The following SOX5 variants were observed in gnomAD, a reference collection of about 807,000 sequenced individuals.
SOX5 encodes the protein SRY-box transcription factor 5.
In SOX5, 9 loss-of-function variants were observed where a neutral mutation model predicts 92.0. That is an observed-to-expected ratio of 0.10 (90% CI 0.06 to 0.17). SOX5 has a LOEUF of 0.17. SOX5 is among the 10% of genes least tolerant of loss of function. The probability of loss-of-function intolerance (pLI) is 1.00; values close to 1 mark genes in which losing one functional copy is unlikely to be tolerated. For missense variants in SOX5, 642 were observed against 944.5 expected (o/e 0.68, Z 4.20); for synonymous variants, 344 against 336.3 (o/e 1.02, Z -0.25).
chr12:23,850,375 G>T (rs1191224627), intron 2 of SOX5, among the ~76,000 whole-genome samples: 2 of 150,400 alleles, frequency 1.3e-5, no homozygotes, highest in Non-Finnish European at 2.9e-5. Flanking sequence ...ATTGCAGAGA[G>T]CCAAGATTGC....
At chr12:23,995,838 G>C (rs1950983114) in intron 4 of SOX5, among the ~76,000 whole-genome samples, 1 of 152,088 alleles carries the variant, frequency 6.6e-6, no homozygotes, top group South Asian at 2.1e-4. Context: ...TTTCAGGTCT[G>C]GATACCAAAG....
chr12:23,992,145 G>C (rs1480332976), intron 4 of SOX5, among the ~76,000 whole-genome samples: 1 of 152,044 alleles, frequency 6.6e-6, no homozygotes. Flanking sequence ...AAAATCTACA[G>C]GTCAGTAGCT....
chr12:23,595,465 A>G lies in SOX5; in HGVS notation c.1164+8922T>C, dbSNP rs187556564. ...GTGAAACCCCGTCTCTACTAAAAAT[A>G]CAAAAAAATCAGCTGGGCGTGGTGG... is the stretch of plus-strand genomic sequence containing the variant. On this transcript the variant is annotated intron_variant, in intron 9 of 14. Transcript: ENST00000451604. Among the ~76,000 whole-genome samples the G allele has an allele frequency of 2.0e-5, 3 of 152,106 alleles. No individual in the cohort carries two copies. In the East Asian group the frequency reaches 5.8e-4, roughly 29 times the overall value.
intron 1 of SOX5, among the ~76,000 whole-genome samples, chr12:24,490,956 T>C (rs1462866258): frequency 2.0e-5 from 3 of 152,184 alleles, no homozygotes; most frequent in Non-Finnish European, 4.4e-5. Flanking sequence ...AGAGCTGCCA[T>C]ATTCAAAATA....
chr12:24,397,303 G>T (rs953380128), intron 1 of SOX5, among the ~76,000 whole-genome samples: 2 of 151,874 alleles, frequency 1.3e-5, no homozygotes, highest in African/African-American at 4.8e-5. Context: ...CTGGTTAAAT[G>T]AAAGACTCGT....
chr12:24,387,628 A>T (rs1958562587), intron 1 of SOX5, among the ~76,000 whole-genome samples: 1 of 152,154 alleles, frequency 6.6e-6, no homozygotes, highest in African/African-American at 2.4e-5. Flanking sequence ...AGCTTCTCTG[A>T]CATCTTTCAT....
intron 1 of SOX5, among the ~76,000 whole-genome samples, chr12:23,925,881 GATAA>G (rs1939802659): frequency 6.6e-6 from 1 of 151,950 alleles, no homozygotes; most frequent in Admixed American, 6.6e-5. Context: ...AATTAAAAAT[GATAA>G]ATAAAATATC....
At chr12:24,024,028 G>A (rs1954608537) in intron 4 of SOX5, among the ~76,000 whole-genome samples, 1 of 151,966 alleles carries the variant, frequency 6.6e-6, no homozygotes, top group African/African-American at 2.4e-5. Flanking sequence ...TTTTAATTAT[G>A]CTGTTATTTT....
chr12:23,961,558 G>A (rs1009168129), intron 4 of SOX5, among the ~76,000 whole-genome samples: 4 of 151,828 alleles, frequency 2.6e-5, no homozygotes, highest in Non-Finnish European at 5.9e-5. Context: ...TAAGGCTAAC[G>A]TCTACTCATC....
At chr12:24,441,437 G>C (rs1284464862) in intron 1 of SOX5, among the ~76,000 whole-genome samples, 1 of 152,066 alleles carries the variant, frequency 6.6e-6, no homozygotes, top group Non-Finnish European at 1.5e-5. Context: ...TACACCAACT[G>C]TCCTTTAAAG....
intron 1 of SOX5, among the ~76,000 whole-genome samples, chr12:24,397,936 G>A (rs914332912): frequency 2.0e-5 from 3 of 151,786 alleles, no homozygotes; most frequent in Admixed American, 6.6e-5. Flanking sequence ...TGCAAGCTCC[G>A]ACTCCCGGGT....
At chr12:23,767,543 G>A (rs531204311) in intron 3 of SOX5, among the ~76,000 whole-genome samples, 8 of 152,294 alleles carry the variant, frequency 5.3e-5, no homozygotes, top group Middle Eastern at 6.8e-3. Context: ...CCTGGAAAGG[G>A]TGGTATGGTA....
At chr12:24,444,737 A>G (rs1941203656) in intron 1 of SOX5, among the ~76,000 whole-genome samples, 1 of 152,166 alleles carries the variant, frequency 6.6e-6, no homozygotes, top group South Asian at 2.1e-4. Context: ...ATGGGGAGGT[A>G]TATAGACAGC....
chr12:23,627,555 C>G (rs1025315585), intron 8 of SOX5, among the ~76,000 whole-genome samples: 28 of 152,036 alleles, frequency 1.8e-4, no homozygotes, highest in Admixed American at 2.6e-4. Flanking sequence ...GCTAATGAGG[C>G]TGAATGCTTA....
intron 1 of SOX5, among the ~76,000 whole-genome samples, chr12:24,505,650 CA>C: frequency 6.6e-6 from 1 of 152,298 alleles, no homozygotes; most frequent in East Asian, 1.9e-4. Flanking sequence ...GGCAATCAAC[CA>C]GCCAAGTGGA....
At chr12:24,017,151 A>C (rs1014018088) in intron 4 of SOX5, among the ~76,000 whole-genome samples, 2 of 152,194 alleles carry the variant, frequency 1.3e-5, no homozygotes, top group Admixed American at 6.5e-5. Flanking sequence ...GTCTTTTAAA[A>C]TTGTTTGAGG....
chr12:23,731,275 G>A (rs953455110), intron 6 of SOX5, among the ~76,000 whole-genome samples: 1 of 152,132 alleles, frequency 6.6e-6, no homozygotes, highest in African/African-American at 2.4e-5. Flanking sequence ...GCCTCCCAGG[G>A]TCTCCAGCTT....
At chr12:24,411,628 A>G (rs1964101774) in intron 1 of SOX5, among the ~76,000 whole-genome samples, 1 of 152,170 alleles carries the variant, frequency 6.6e-6, no homozygotes, top group South Asian at 2.1e-4. Flanking sequence ...TCATATACTG[A>G]GCCAGCCTTG....
chr12:24,322,186 C>T (rs1950265566), intron 2 of SOX5, among the ~76,000 whole-genome samples: 1 of 152,100 alleles, frequency 6.6e-6, no homozygotes, highest in African/African-American at 2.4e-5. Context: ...TTAGGAATCT[C>T]ATTCATGACA....
Sources: gnomAD v4.1 joint callset for allele counts (sites outside exome capture counted in the v4.1 genomes callset) on GRCh38, gnomAD v4.1.1 for gene constraint, MANE v1.5 for transcripts, NCBI Gene and HGNC (gene_info 2026-07-23, HGNC 2026-07-21) for gene names.